The following CDH9 variants were observed in gnomAD, a reference collection of about 807,000 sequenced individuals.
CDH9 encodes the protein cadherin-9.
CDH9 carries 28 observed loss-of-function variants against 70.9 expected under a neutral mutation model. That is an observed-to-expected ratio of 0.40 (90% CI 0.29 to 0.54). The LOEUF (loss-of-function observed/expected upper bound fraction) is 0.54. Among genes scored for constraint, CDH9 ranks in the 20% least tolerant of loss-of-function variants. The pLI is 0.59. For missense variants in CDH9, 874 were observed against 984.4 expected, an observed-to-expected ratio of 0.89 and a Z score of 1.50; for synonymous variants, 409 against 343.1, an observed-to-expected ratio of 1.19 and a Z score of -2.12.
intron 2 of CDH9, among the ~76,000 whole-genome samples, chr5:26,930,360 T>C (rs9293251): frequency 0.017 from 2,525 of 152,184 alleles, 65 homozygotes; most frequent in African/African-American, 0.058. Flanking sequence ...GATGGAGGAT[T>C]GGTTTCAGGG....
chr5:26,962,683 C>A (rs1317516514), intron 2 of CDH9, among the ~76,000 whole-genome samples: 5 of 152,094 alleles, frequency 3.3e-5, no homozygotes, highest in African/African-American at 9.7e-5. Flanking sequence ...CTGACTCTCA[C>A]TCTCATGCCT....
Position 26,885,655 on chromosome 5 carries a change from C to G in CDH9, c.1841G>C (p.Gly614Ala). ...ACAGAGTAGAATCGCAACGAGAGCT[C>G]CCGTGCTCAGGCCGGCTGAAAGGAT... ...ALILSAGLST[G>A]ALVAILLCVL... is the part of the protein sequence containing the mutation. Residue 614 changes from glycine (G) to alanine (A), a missense_variant, in exon 11 of 12, where the codon GGA becomes GCA. Physicochemically the swap from Gly to Ala is moderately conservative, Grantham distance 60 (BLOSUM62 0). Transcript: ENST00000231021. The G allele has an allele frequency of 6.2e-7, 1 of 1,613,686 alleles. No individual in the cohort carries two copies. The highest frequency in any genetic ancestry group is 8.5e-7 in the Non-Finnish European group (1 of 1,179,868).
At chr5:26,914,011 T>C in intron 3 of CDH9, among the ~76,000 whole-genome samples, 1 of 152,002 alleles carries the variant, frequency 6.6e-6, no homozygotes, top group East Asian at 1.9e-4. Flanking sequence ...AGGGAAATAC[T>C]TGTTTTTTCA....
chr5:26,968,474 T>C (rs1742165023), intron 2 of CDH9, among the ~76,000 whole-genome samples: 2 of 151,868 alleles, frequency 1.3e-5, no homozygotes, highest in Admixed American at 1.3e-4. Flanking sequence ...TTAGTAGAGA[T>C]GGTGTTTCAT....
chr5:26,921,865 T>G, intron 2 of CDH9, among the ~76,000 whole-genome samples: 1 of 152,042 alleles, frequency 6.6e-6, no homozygotes. Flanking sequence ...TCAGATAAAT[T>G]TAACAAAGAG....
chr5:26,950,371 G>A (rs7718140), intron 2 of CDH9, among the ~76,000 whole-genome samples: 3,597 of 152,188 alleles, frequency 0.024, 145 homozygotes, highest in African/African-American at 0.081. Flanking sequence ...GATGAACAAA[G>A]CATTTGATAA....
chr5:26,930,321 T>C (rs1222029160), intron 2 of CDH9, among the ~76,000 whole-genome samples: 1 of 152,122 alleles, frequency 6.6e-6, no homozygotes, highest in East Asian at 1.9e-4. Context: ...TGCACATGTT[T>C]AATGTATATA....
intron 1 of CDH9, among the ~76,000 whole-genome samples, chr5:27,000,659 T>C (rs187782420): frequency 6.3e-4 from 96 of 152,242 alleles, no homozygotes; most frequent in Non-Finnish European, 2.9e-4. Context: ...AACTTACGTA[T>C]TAATGTTTAT....
Position 26,967,038 on chromosome 5 carries a change from T to TCC in CDH9, c.228+21066_228+21067dup, listed in dbSNP as rs1742141229. On this transcript the variant is annotated intron_variant, in intron 2 of 11. Transcript: ENST00000231021. The stretch of plus-strand genomic sequence containing the variant: ...GCCTGGATCTCCCAAGCTTAAGCGA[T>TCC]CCTCTCACCTCAGCCTTCCAAGTAG... Among the ~76,000 whole-genome samples, 3 of 152,278 alleles carry TCC rather than the reference T, an allele frequency of 2.0e-5. No individual in the cohort carries two copies. In the South Asian group the frequency reaches 6.2e-4, roughly 32 times the overall value.
chr5:26,917,685 G>T (rs900320236), intron 2 of CDH9, among the ~76,000 whole-genome samples: 7 of 151,906 alleles, frequency 4.6e-5, no homozygotes, highest in African/African-American at 1.7e-4. Flanking sequence ...CAAGACATCT[G>T]TCTCCATCTC....
chr5:26,952,246 G>C (rs1250139235), intron 2 of CDH9, among the ~76,000 whole-genome samples: 1 of 149,676 alleles, frequency 6.7e-6, no homozygotes, highest in Admixed American at 6.7e-5. Context: ...TCACAGGCGT[G>C]AGCCACCGCG....
chr5:26,896,869 A>G (rs1561186651), intron 7 of CDH9, among the ~76,000 whole-genome samples: 2 of 152,038 alleles, frequency 1.3e-5, no homozygotes, highest in South Asian at 2.1e-4. Flanking sequence ...AAAAAAATCA[A>G]TGAATTCAGG....
rs148245561 is a variant in CDH9 at position 26,903,820 on chromosome 5, C to A, written c.816G>T (p.Thr272=). Residue 272 remains threonine, a synonymous_variant, in exon 6 of 12, where the codon ACG becomes ACT. Transcript: ENST00000231021. ...NNNPPRFPQS[T]YQFNSPESVP... is the part of the protein sequence containing the mutation. The stretch of plus-strand genomic sequence containing the variant: ...CAGACTCAGGAGAATTAAATTGATA[C>A]GTACCTATAAATTAAGTAAGAGCTG... 6.6e-7 allele frequency: 1 copy of A among 1,519,338 alleles called. No homozygotes were observed. The highest frequency in any genetic ancestry group is 1.4e-5 in the African/African-American group (1 of 71,244). 94.1% of individuals were successfully genotyped at this position (1,519,338 alleles called of 1,614,324 possible). A position where few individuals can be genotyped will look rare whatever the true frequency, so the allele number is the denominator to read the frequency against.
chr5:27,002,790 G>T (rs1337569764), intron 1 of CDH9, among the ~76,000 whole-genome samples: 1 of 151,772 alleles, frequency 6.6e-6, no homozygotes, highest in Non-Finnish European at 1.5e-5. Flanking sequence ...GGAGGGGGAG[G>T]GATAGCATTA....
intron 7 of CDH9, among the ~76,000 whole-genome samples, chr5:26,892,715 T>TTTTG (rs1554034949): frequency 3.3e-5 from 5 of 151,926 alleles, no homozygotes; most frequent in East Asian, 1.9e-4. Context: ...CTGGCATTTT[T>TTTTG]TTGTTGTTGT....
chr5:26,889,862 C>T lies in CDH9; in HGVS notation c.1486G>A (p.Val496Ile). The change falls in exon 9 of 12, where the codon GTT becomes ATT. Residue 496 changes from valine to isoleucine, a missense_variant. Coordinates refer to ENST00000231021, the MANE Select transcript of CDH9 (RefSeq NM_016279.4). ...TGCCCAGGTTTTGCATTTTCACAAACAAATGTTTCATAATACATGGCAAAT... is the reference window on the plus strand; with the variant it reads ...TGCCCAGGTTTTGCATTTTCACAAATAAATGTTTCATAATACATGGCAAAT... ...PEFAMYYETF[V>I]CENAKPGQLI... The T allele has an allele frequency of 6.3e-7, 1 of 1,596,332 alleles. No individual in the cohort carries two copies. The highest frequency in any genetic ancestry group is 8.6e-7 in the Non-Finnish European group (1 of 1,166,042).
intron 2 of CDH9, among the ~76,000 whole-genome samples, chr5:26,953,346 A>G (rs934555799): frequency 1.3e-5 from 2 of 152,214 alleles, no homozygotes; most frequent in African/African-American, 2.4e-5. Flanking sequence ...AGGCACTTGT[A>G]CACTACAATT....
intron 2 of CDH9, among the ~76,000 whole-genome samples, chr5:26,927,201 A>T (rs1741358327): frequency 6.6e-6 from 1 of 152,008 alleles, no homozygotes. Context: ...AGAATTCAAC[A>T]TCCCTTCATG....
At chr5:26,920,574 T>C (rs1337854840) in intron 2 of CDH9, among the ~76,000 whole-genome samples, 2 of 152,060 alleles carry the variant, frequency 1.3e-5, no homozygotes, top group East Asian at 3.9e-4. Flanking sequence ...CCCAGTGCAG[T>C]CCCAGTGGCG....
Sources: allele counts gnomAD v4.1 joint callset (sites outside exome capture counted in the v4.1 genomes callset), GRCh38; gene constraint gnomAD v4.1.1; transcripts MANE v1.5; gene names NCBI Gene and HGNC (gene_info 2026-07-23, HGNC 2026-07-21).